The following AFF3 variants were observed in gnomAD, a reference collection of about 807,000 sequenced individuals.
The protein encoded by AFF3 is AF4/FMR2 family member 3.
In AFF3, 32 loss-of-function variants were observed where a neutral mutation model predicts 129.7. The observed-to-expected ratio is 0.25, with a 90% confidence interval of 0.19 to 0.33. The LOEUF (loss-of-function observed/expected upper bound fraction) is 0.33, where lower values mean the gene tolerates loss of function less well. AFF3 is among the 10% of genes least tolerant of loss of function. AFF3 has a pLI of 1.00. For missense variants in AFF3, 1,373 were observed against 1,592.0 expected (o/e 0.86, Z 2.34); for synonymous variants, 644 against 635.4 (o/e 1.01, Z -0.20).
rs142986569 is a variant in AFF3, at chr2:99,687,698, T to C, written c.1092-15109A>G. Among the ~76,000 whole-genome samples the C allele has an allele frequency of 4.3e-3, 655 of 152,318 alleles. 4 individuals are homozygous for C. The highest frequency in any genetic ancestry group is 0.015 in the African/African-American group (619 of 41,560). ...CCAGTCAGCTGTTGTTATTTATAAA[T>C]ATGCTTTTATAGTAGTTTTAGATTT... is the stretch of plus-strand genomic sequence containing the variant. On this transcript the variant is annotated intron_variant, in intron 11 of 24. Coordinates refer to ENST00000672756, the MANE Select transcript of AFF3 (RefSeq NM_001386135.1).
At chr2:100,115,283 C>G (rs895335013) in intron 2 of AFF3, among the ~76,000 whole-genome samples, 2 of 152,182 alleles carry the variant, frequency 1.3e-5, no homozygotes, top group African/African-American at 2.4e-5. Flanking sequence ...AGTGGTGGCT[C>G]ACACCTGTAA....
chr2:100,056,657 T>A (rs1435230283), intron 4 of AFF3, among the ~76,000 whole-genome samples: 2 of 152,252 alleles, frequency 1.3e-5, no homozygotes, highest in South Asian at 4.1e-4. Flanking sequence ...AAGATCATTT[T>A]TCCTGATAAA....
intron 12 of AFF3, among the ~76,000 whole-genome samples, chr2:99,651,345 A>G (rs1015930405): frequency 6.6e-6 from 1 of 152,064 alleles, no homozygotes; most frequent in Non-Finnish European, 1.5e-5. Flanking sequence ...AGAAGTCATG[A>G]CTGGGGAGGT....
At chr2:99,642,659 G>A (rs913278790) in intron 13 of AFF3, among the ~76,000 whole-genome samples, 1 of 152,150 alleles carries the variant, frequency 6.6e-6, no homozygotes, top group Non-Finnish European at 1.5e-5. Context: ...ATATTGTTAC[G>A]ATGCAAAACG....
At chr2:99,954,671 A>G (rs999813878) in intron 7 of AFF3, among the ~76,000 whole-genome samples, 1 of 150,418 alleles carries the variant, frequency 6.6e-6, no homozygotes, top group Admixed American at 6.7e-5. Flanking sequence ...AAGAACAAAA[A>G]ACCAAACACC....
chr2:100,010,787 C>A (rs569155705), intron 4 of AFF3, among the ~76,000 whole-genome samples: 20 of 152,252 alleles, frequency 1.3e-4, no homozygotes, highest in Non-Finnish European at 2.5e-4. Flanking sequence ...GTATGATGGT[C>A]CTGCCCTGCT....
At chr2:99,949,520 G>A (rs150651665) in intron 7 of AFF3, among the ~76,000 whole-genome samples, 19 of 152,074 alleles carry the variant, frequency 1.2e-4, no homozygotes, top group African/African-American at 3.4e-4. Flanking sequence ...TCACCATAAT[G>A]TAGAATCAGT....
At chr2:99,980,482 T>C (rs1305931532) in intron 7 of AFF3, among the ~76,000 whole-genome samples, 1 of 152,252 alleles carries the variant, frequency 6.6e-6, no homozygotes, top group Non-Finnish European at 1.5e-5. Flanking sequence ...AATTTTCAGA[T>C]GTCAAAGGAA....
At chr2:100,068,691 G>A (rs1687927060) in intron 4 of AFF3, among the ~76,000 whole-genome samples, 1 of 152,150 alleles carries the variant, frequency 6.6e-6, no homozygotes, top group Non-Finnish European at 1.5e-5. Context: ...AACACTCAGA[G>A]GCTCATCTCC....
chr2:99,649,730 G>A, intron 12 of AFF3, 64 bp from the exon 13 acceptor site: 2 of 1,579,160 alleles, frequency 1.3e-6, no homozygotes, highest in Non-Finnish European at 1.7e-6. Context: ...CGTGCTCAAT[G>A]AACACTTAAA....
intron 11 of AFF3, among the ~76,000 whole-genome samples, chr2:99,677,263 C>CCA (rs1674055070): frequency 9.5e-6 from 1 of 105,158 alleles, no homozygotes; most frequent in Non-Finnish European, 1.8e-5. Flanking sequence ...GACCCTGTCT[C>CCA]AAAAAAAAAA....
intron 4 of AFF3, among the ~76,000 whole-genome samples, chr2:100,016,640 G>A (rs1269012414): frequency 6.6e-6 from 1 of 150,586 alleles, no homozygotes. Context: ...TGGTGATGGT[G>A]GTGGTAATGG....
At chr2:100,004,749 T>C (rs757053575) in intron 7 of AFF3, among the ~76,000 whole-genome samples, 2 of 152,194 alleles carry the variant, frequency 1.3e-5, no homozygotes, top group Admixed American at 6.5e-5. Context: ...GTCATGTTTT[T>C]ATTGTGGGAG....
chr2:100,066,107 C>A (rs1687697455), intron 4 of AFF3, among the ~76,000 whole-genome samples: 1 of 152,062 alleles, frequency 6.6e-6, no homozygotes, highest in South Asian at 2.1e-4. Flanking sequence ...AAATAAAAGC[C>A]CCCTCCCCCT....
rs1692474830 is a variant in AFF3 at position 99,878,655 on chromosome 2, G to A, written c.874-41131C>T. 2.6e-5 allele frequency among the ~76,000 whole-genome samples: 4 copies of A among 152,296 alleles called. No homozygotes were observed. The South Asian group carries it at 8.3e-4, about 32-fold the overall frequency. On this transcript the variant is annotated intron_variant, in intron 7 of 24. Transcript: ENST00000672756. ...AATAAAAACATAGTAAATGGTAAAT[G>A]TAAATGTAAGAAGAGGTAAGACATT...
At chr2:99,848,599 T>C (rs1689908443) in intron 7 of AFF3, among the ~76,000 whole-genome samples, 1 of 152,222 alleles carries the variant, frequency 6.6e-6, no homozygotes, top group African/African-American at 2.4e-5. Context: ...TTAAAAAGGC[T>C]TGTAATCCAA....
At chr2:99,592,755 G>A (rs945390035) in intron 15 of AFF3, among the ~76,000 whole-genome samples, 1 of 152,056 alleles carries the variant, frequency 6.6e-6, no homozygotes, top group African/African-American at 2.4e-5. Flanking sequence ...CCAACATGGT[G>A]AAACCCTGTC....
chr2:99,925,874 C>T (rs972783265), intron 7 of AFF3, among the ~76,000 whole-genome samples: 4 of 152,196 alleles, frequency 2.6e-5, no homozygotes, highest in African/African-American at 9.7e-5. Flanking sequence ...AACTTCCATT[C>T]CCAGGGAGTT....
chr2:99,601,545 T>TGC lies in AFF3; in HGVS notation c.1259_1260dup (p.Ser421AlafsTer53). ...TCTGAGTCGCTGGAGGAGCTGCTGC[T>TGC]GCCGCTGCTGCTGCTGCTGCTGCTG... On this transcript the variant is annotated frameshift_variant, in exon 14 of 25. Transcript: ENST00000672756. LOFTEE classifies it high-confidence loss of function. The TGC allele has an allele frequency of 6.2e-7, 1 of 1,602,656 alleles. No homozygotes were observed. Among genetic ancestry groups the TGC allele is most frequent in the East Asian group, 2.2e-5 (1 of 44,604 alleles).
Sources: allele counts gnomAD v4.1 joint callset (sites outside exome capture counted in the v4.1 genomes callset), GRCh38; gene constraint gnomAD v4.1.1; transcripts MANE v1.5; gene names NCBI Gene and HGNC (gene_info 2026-07-23, HGNC 2026-07-21).